PTPRM: variants seen among roughly 807,000 people sequenced by gnomAD.
PTPRM encodes receptor-type tyrosine-protein phosphatase mu.
In PTPRM, 47 loss-of-function variants were observed where a neutral mutation model predicts 186.7. The ratio of observed to expected loss-of-function variants is 0.25; its 90% CI spans 0.20 to 0.32. The LOEUF is 0.32. PTPRM is among the 10% of genes least tolerant of loss of function. The pLI, the probability that PTPRM is intolerant of heterozygous loss-of-function variation, is 1.00. For missense variants in PTPRM, 1,494 were observed against 1,865.0 expected (o/e 0.80, Z 3.66); for synonymous variants, 668 against 674.9 (o/e 0.99, Z 0.16).
At chr18:8,347,601 C>T (rs1218023986) in intron 23 of PTPRM, among the ~76,000 whole-genome samples, 1 of 152,144 alleles carries the variant, frequency 6.6e-6, no homozygotes, top group Admixed American at 6.5e-5. Flanking sequence ...TTCCTTCCAT[C>T]AGGCACCTGG....
At chr18:7,805,485 T>C (rs973572067) in intron 2 of PTPRM, among the ~76,000 whole-genome samples, 2 of 152,250 alleles carry the variant, frequency 1.3e-5, no homozygotes, top group Admixed American at 6.5e-5. Context: ...AAAAAAACTT[T>C]CTAAAACACT....
At chr18:8,321,173 G>A (rs1002873979) in intron 22 of PTPRM, among the ~76,000 whole-genome samples, 3 of 152,130 alleles carry the variant, frequency 2.0e-5, no homozygotes, top group Non-Finnish European at 4.4e-5. Context: ...AACAGTTTTT[G>A]TAAATTCGTG....
chr18:8,116,399 T>C (rs2091958713), intron 13 of PTPRM, among the ~76,000 whole-genome samples: 1 of 152,226 alleles, frequency 6.6e-6, no homozygotes, highest in Non-Finnish European at 1.5e-5. Flanking sequence ...TTCTTATTTT[T>C]AAGATGAGGA....
chr18:8,093,165 C>T (rs1425752491), intron 11 of PTPRM, among the ~76,000 whole-genome samples: 1 of 151,746 alleles, frequency 6.6e-6, no homozygotes, highest in Non-Finnish European at 1.5e-5. Context: ...TTGTTTATCT[C>T]ACTGTCCGTA....
intron 1 of PTPRM, among the ~76,000 whole-genome samples, chr18:7,755,714 A>G (rs1180961427): frequency 6.6e-6 from 1 of 152,172 alleles, no homozygotes; most frequent in Non-Finnish European, 1.5e-5. Context: ...AGAAAATCCT[A>G]CCTTCAAAAA....
intron 2 of PTPRM, among the ~76,000 whole-genome samples, chr18:7,866,397 C>T (rs1326980980): frequency 6.6e-6 from 1 of 152,136 alleles, no homozygotes; most frequent in Non-Finnish European, 1.5e-5. Flanking sequence ...TCTGTGTTCT[C>T]ATTGGTTTCA....
At chr18:7,950,035 T>G (rs886341300) in intron 6 of PTPRM, among the ~76,000 whole-genome samples, 1 of 152,178 alleles carries the variant, frequency 6.6e-6, no homozygotes, top group Non-Finnish European at 1.5e-5. Context: ...TGAGGCATTT[T>G]TAGACAACCT....
intron 7 of PTPRM, among the ~76,000 whole-genome samples, chr18:8,050,401 G>C (rs1161450271): frequency 2.0e-5 from 3 of 152,056 alleles, no homozygotes; most frequent in Non-Finnish European, 4.4e-5. Context: ...GGAGTAACTA[G>C]ACTATGAACC....
intron 9 of PTPRM, among the ~76,000 whole-genome samples, chr18:8,085,018 G>A (rs1200107677): frequency 1.3e-5 from 2 of 152,090 alleles, no homozygotes; most frequent in East Asian, 3.9e-4. Flanking sequence ...CAGTTCCTCA[G>A]TCTCACTAAC....
chr18:7,841,459 T>C (rs1270828339), intron 2 of PTPRM, among the ~76,000 whole-genome samples: 1 of 151,648 alleles, frequency 6.6e-6, no homozygotes, highest in East Asian at 1.9e-4. Context: ...GCCAGGCTAG[T>C]TTTTTTGTAT....
chr18:7,907,383 T>C (rs1270964967), intron 4 of PTPRM, among the ~76,000 whole-genome samples: 1 of 152,192 alleles, frequency 6.6e-6, no homozygotes, highest in African/African-American at 2.4e-5. Flanking sequence ...CTGAGAACAC[T>C]AGTGGTCTAG....
rs367590878 is a variant in PTPRM at position 8,151,056 on chromosome 18, G to A, written c.2300+7277G>A. Among the ~76,000 whole-genome samples, 162 of 152,312 alleles carry A rather than the reference G, an allele frequency of 1.1e-3. 1 individual carries two copies. The highest frequency in any genetic ancestry group is 3.8e-3 in the African/African-American group (158 of 41,572). On this transcript the variant is annotated intron_variant, in intron 14 of 32. Transcript: ENST00000580170. ...GCCGCTCAGAGCTCTCCTGTATGAG[G>A]TGTCTGTCGGCCCCTACTGGGAGGT...
intron 2 of PTPRM, among the ~76,000 whole-genome samples, chr18:7,819,505 T>C (rs970550711): frequency 3.3e-5 from 5 of 152,006 alleles, no homozygotes; most frequent in Non-Finnish European, 7.4e-5. Flanking sequence ...ACTAAGTGGC[T>C]CAACTCTAGG....
At chr18:8,030,174 A>G (rs1679202818) in intron 7 of PTPRM, among the ~76,000 whole-genome samples, 1 of 152,240 alleles carries the variant, frequency 6.6e-6, no homozygotes, top group African/African-American at 2.4e-5. Context: ...ATCATATGCC[A>G]TCTTTATTCA....
intron 4 of PTPRM, among the ~76,000 whole-genome samples, chr18:7,916,300 A>G (rs1047402191): frequency 2.0e-5 from 3 of 152,218 alleles, no homozygotes; most frequent in African/African-American, 4.8e-5. Flanking sequence ...CGTACCATAG[A>G]TGAACACACC....
chr18:8,012,112 T>TG (rs1196078235), intron 7 of PTPRM, among the ~76,000 whole-genome samples: 4 of 152,196 alleles, frequency 2.6e-5, no homozygotes, highest in South Asian at 2.1e-4. Context: ...GAGACGCCAC[T>TG]GGGGGGCATT....
At chr18:8,051,621 T>G (rs2087506309) in intron 7 of PTPRM, among the ~76,000 whole-genome samples, 1 of 152,246 alleles carries the variant, frequency 6.6e-6, no homozygotes, top group African/African-American at 2.4e-5. Context: ...TGGGACTTGT[T>G]TTTTTAATTC....
chr18:8,127,181 A>G (rs1031730554), intron 13 of PTPRM, among the ~76,000 whole-genome samples: 3 of 152,152 alleles, frequency 2.0e-5, no homozygotes, highest in African/African-American at 7.2e-5. Context: ...GAGTAAGTAG[A>G]TGTGAATAGA....
intron 4 of PTPRM, among the ~76,000 whole-genome samples, chr18:7,913,338 G>T (rs1306393268): frequency 1.3e-5 from 2 of 151,966 alleles, no homozygotes; most frequent in Non-Finnish European, 2.9e-5. Flanking sequence ...TATTTTTCTT[G>T]CTAGTTTGCC....
Sources: gnomAD v4.1 joint callset for allele counts (sites outside exome capture counted in the v4.1 genomes callset) on GRCh38, gnomAD v4.1.1 for gene constraint, MANE v1.5 for transcripts, NCBI Gene and HGNC (gene_info 2026-07-23, HGNC 2026-07-21) for gene names.